Variants in SCAMP4 observed in about 807,000 individuals in gnomAD.
SCAMP4 encodes secretory carrier-associated membrane protein 4.
Under a neutral mutation model 32.1 loss-of-function variants are expected in SCAMP4, and 19 were observed. The ratio of observed to expected loss-of-function variants is 0.59; its 90% CI spans 0.41 to 0.87. SCAMP4 has a LOEUF of 0.87. Among genes scored for constraint, SCAMP4 ranks in the 40% least tolerant of loss-of-function variants. The probability of loss-of-function intolerance (pLI) is 0.00; values close to 1 mark genes in which losing one functional copy is unlikely to be tolerated. For missense variants in SCAMP4, 302 were observed against 309.0 expected, an observed-to-expected ratio of 0.98 and a Z score of 0.17; for synonymous variants, 152 against 132.7, an observed-to-expected ratio of 1.15 and a Z score of -1.00.
intron 5 of SCAMP4, chr19:1,921,769 C>T (rs1482119843): frequency 1.0e-6 from 1 of 984,150 alleles, no homozygotes; most frequent in Non-Finnish European, 1.2e-6. Flanking sequence ...CTGCTTGAGG[C>T]CAGGAGTTCA....
intron 5 of SCAMP4, chr19:1,920,949 T>A (rs2013899933): frequency 1.0e-6 from 1 of 985,164 alleles, no homozygotes; most frequent in African/African-American, 1.7e-5. Flanking sequence ...GGAGCCTGGG[T>A]CATCTCCCGC....
intron 4 of SCAMP4, 49 bp from the exon 5 acceptor site, chr19:1,918,840 G>A (rs943497387): frequency 6.4e-7 from 1 of 1,566,598 alleles, no homozygotes; most frequent in East Asian, 2.4e-5. Context: ...AGGCGCGTCT[G>A]GGAGAAGCCA....
chr19:1,917,365 G>T (rs755550357), intron 2 of SCAMP4, among the ~76,000 whole-genome samples: 1 of 152,242 alleles, frequency 6.6e-6, no homozygotes. Context: ...TGACAGTTCT[G>T]GAGACCAGAA....
rs2014080165 is a variant in SCAMP4 at position 1,925,819 on chromosome 19, G to C, written c.*1535G>C. 6.6e-6 allele frequency: 1 copy of C among 152,608 alleles called. No individual in the cohort carries two copies. Among genetic ancestry groups the C allele is most frequent in the Non-Finnish European group, 1.5e-5 (1 of 68,182 alleles). 9.5% of individuals were successfully genotyped at this position (152,608 alleles called of 1,614,324 possible). A position where few individuals can be genotyped will look rare whatever the true frequency, so the allele number is the denominator to read the frequency against. The stretch of plus-strand genomic sequence containing the variant: ...TCACGGCCATGCTTCAGGGTCTTCA[G>C]GTCCTGCCCCCGGCCAGTCTGCCAA... On this transcript the variant is annotated 3_prime_UTR_variant, in exon 7 of 7. Coordinates refer to ENST00000316097, the MANE Select transcript of SCAMP4 (RefSeq NM_079834.4).
chr19:1,917,316 T>C (rs1036793236), intron 2 of SCAMP4, among the ~76,000 whole-genome samples: 1 of 151,600 alleles, frequency 6.6e-6, no homozygotes, highest in African/African-American at 2.4e-5. Flanking sequence ...AAAAAAAGAG[T>C]CATAAACTTA....
chr19:1,912,233 C>T (rs1374531289), intron 1 of SCAMP4: 3 of 1,595,862 alleles, frequency 1.9e-6, no homozygotes, highest in African/African-American at 1.3e-5. Context: ...TGCTGGCCTA[C>T]GCCGCGCCCG....
At chr19:1,916,584 G>A (rs142765753) in intron 2 of SCAMP4, among the ~76,000 whole-genome samples, 2 of 151,880 alleles carry the variant, frequency 1.3e-5, no homozygotes, top group African/African-American at 2.4e-5. Flanking sequence ...TCAGCCTCCC[G>A]AGAAGCTGGG....
chr19:1,908,069 G>A lies in SCAMP4; in HGVS notation c.-42+2630G>A, dbSNP rs2013231645. On this transcript the variant is annotated intron_variant, in intron 1 of 6. Coordinates refer to ENST00000316097, the MANE Select transcript of SCAMP4 (RefSeq NM_079834.4). This position sits in a 1 kb window ranked among gnomAD's most constrained non-coding sequence, Gnocchi z 4.2. ...TACTCTTGGAGGGACAAGCGAGGCT[G>A]TGTTTGTCTTTTACCCTGGAGACAG... 1 of 173,274 alleles carries A rather than the reference G, an allele frequency of 5.8e-6. No homozygotes were observed. Among genetic ancestry groups the A allele is most frequent in the Non-Finnish European group, 1.2e-5 (1 of 81,042 alleles). The allele number at this position is 173,274 out of a possible 1,614,324, so 10.7% of individuals were successfully genotyped here. A position where few individuals can be genotyped will look rare whatever the true frequency, so the allele number is the denominator to read the frequency against.
At chr19:1,907,702 C>T (rs967383944) in intron 1 of SCAMP4, among the ~76,000 whole-genome samples, 48 of 152,236 alleles carry the variant, frequency 3.2e-4, no homozygotes, top group African/African-American at 1.0e-3. Flanking sequence ...GGCTGGCGGC[C>T]GTGTTCTGCT....
rs2013891124 is a variant in SCAMP4, at chr19:1,920,678, GTCA to G, written c.395+1691_395+1693del. ...GTGGCTGCAGGTCAAGGCACTGCTCGTCATCCTCCGAGTCCTCCTGAGCTCCCA... is the reference window on the plus strand; with the variant it reads ...GTGGCTGCAGGTCAAGGCACTGCTCGTCCTCCGAGTCCTCCTGAGCTCCCA... On this transcript the variant is annotated intron_variant, in intron 5 of 6. Coordinates refer to ENST00000316097, the MANE Select transcript of SCAMP4 (RefSeq NM_079834.4). 4 of 985,512 alleles carry G rather than the reference GTCA, an allele frequency of 4.1e-6. No homozygotes were observed. The African/African-American group carries it at 7.0e-5, about 17-fold the overall frequency. The allele number at this position is 985,512 out of a possible 1,614,324, so 61.0% of individuals were successfully genotyped here.
At chr19:1,920,538 C>A in intron 5 of SCAMP4, 1 of 936,494 alleles carries the variant, frequency 1.1e-6, no homozygotes, top group Non-Finnish European at 1.3e-6. Flanking sequence ...TCACCTGCCA[C>A]CCCAAGAGCC....
At chr19:1,920,513 G>A (rs931360619) in intron 5 of SCAMP4, 10 of 826,724 alleles carry the variant, frequency 1.2e-5, no homozygotes, top group South Asian at 5.5e-5. Flanking sequence ...CGGATGTGCC[G>A]CTGAAGCTGG....
intron 1 of SCAMP4, chr19:1,913,035 G>C: frequency 1.2e-6 from 2 of 1,604,210 alleles, no homozygotes; most frequent in East Asian, 2.2e-5. Context: ...GCCCTCGCCC[G>C]ACGGCGCCCT....
intron 1 of SCAMP4, chr19:1,914,657 C>T (rs1017212309): frequency 7.0e-6 from 3 of 425,792 alleles, no homozygotes; most frequent in Non-Finnish European, 1.3e-5. Context: ...GGCGCCCACC[C>T]CTTGTGGGCT....
chr19:1,909,297 G>T (rs188999749), intron 1 of SCAMP4, among the ~76,000 whole-genome samples: 1 of 152,182 alleles, frequency 6.6e-6, no homozygotes, highest in East Asian at 1.9e-4. Flanking sequence ...GGCCCTGTGA[G>T]CAGTCCCTGC....
rs1272549857 is a variant in SCAMP4 at position 1,910,575 on chromosome 19, C to T, written c.-41-4404C>T. Among the ~76,000 whole-genome samples, 493 of 95,130 alleles carry T rather than the reference C, an allele frequency of 5.2e-3. 2 individuals carry two copies. The highest frequency in any genetic ancestry group is 8.6e-3 in the Non-Finnish European group (388 of 45,026). 62.4% of individuals were successfully genotyped at this position (95,130 alleles called of 152,430 possible). ...TGATAGTTTTTGGTTTTTGAGGTGT[C>T]TTTTTTTTTTTTTTTTTTTTGAGAC... On this transcript the variant is annotated intron_variant, in intron 1 of 6. Coordinates refer to ENST00000316097, the MANE Select transcript of SCAMP4 (RefSeq NM_079834.4).
chr19:1,912,546 C>A (rs1335709997), intron 1 of SCAMP4: 2 of 1,501,038 alleles, frequency 1.3e-6, no homozygotes, highest in Non-Finnish European at 8.8e-7. Context: ...CACGTCCTTC[C>A]ACGAGGACAA....
chr19:1,915,316 T>C, intron 2 of SCAMP4: 1 of 531,660 alleles, frequency 1.9e-6, no homozygotes, highest in Admixed American at 3.3e-5. Context: ...AGCGGGCGTG[T>C]TCTCATGTGC....
chr19:1,922,400 A>T (rs1345690118), intron 5 of SCAMP4: 1 of 684,000 alleles, frequency 1.5e-6, no homozygotes, highest in Admixed American at 6.3e-5. Flanking sequence ...ATGCCTGGCT[A>T]ATTTTTGTAT....
Sources: gnomAD v4.1 joint callset for allele counts (sites outside exome capture counted in the v4.1 genomes callset) on GRCh38, gnomAD v4.1.1 for gene constraint, Gnocchi (gnomAD v3.1) non-coding constraint, MANE v1.5 for transcripts, NCBI Gene and HGNC (gene_info 2026-07-23, HGNC 2026-07-21) for gene names.